NOL4: variants seen among roughly 807,000 people sequenced by gnomAD.
NOL4 encodes the protein nucleolar protein 4, also known as cancer/testis antigen 125.
In NOL4, 17 loss-of-function variants were observed where a neutral mutation model predicts 75.9. The observed-to-expected ratio is 0.22, with a 90% confidence interval of 0.15 to 0.34. The LOEUF (loss-of-function observed/expected upper bound fraction) is 0.34. Ranked by LOEUF, NOL4 falls within the 10% of genes least tolerant of loss-of-function variation. The pLI, the probability that NOL4 is intolerant of heterozygous loss-of-function variation, is 1.00. For missense variants in NOL4, 614 were observed against 793.5 expected (o/e 0.77, Z 2.72); for synonymous variants, 292 against 289.9 (o/e 1.01, Z -0.07).
At chr18:34,006,261 G>T (rs548636642) in intron 6 of NOL4, among the ~76,000 whole-genome samples, 25 of 152,154 alleles carry the variant, frequency 1.6e-4, no homozygotes, top group African/African-American at 6.0e-4. Context: ...AAATGTAATG[G>T]TTAATTTTAT....
At chr18:33,908,362 A>G (rs1261351595) in intron 9 of NOL4, among the ~76,000 whole-genome samples, 5 of 152,192 alleles carry the variant, frequency 3.3e-5, no homozygotes, top group African/African-American at 4.8e-5. Flanking sequence ...ATAATCATAG[A>G]TGGTTTTGAA....
intron 5 of NOL4, among the ~76,000 whole-genome samples, chr18:34,046,634 A>ATATATATG (rs1193500422): frequency 2.2e-5 from 3 of 137,478 alleles, no homozygotes; most frequent in East Asian, 4.1e-4. Context: ...ATATATATAT[A>ATATATATG]TATGTATATG....
chr18:34,076,478 A>T (rs2077750533), intron 5 of NOL4, among the ~76,000 whole-genome samples: 1 of 152,198 alleles, frequency 6.6e-6, no homozygotes, highest in South Asian at 2.1e-4. Context: ...TGGACTGAGC[A>T]AAAGTTACCC....
At chr18:33,985,473 G>A (rs1420266167) in intron 6 of NOL4, among the ~76,000 whole-genome samples, 2 of 152,004 alleles carry the variant, frequency 1.3e-5, no homozygotes, top group Non-Finnish European at 2.9e-5. Context: ...ATTATTTTAT[G>A]TCATCTATTG....
At chr18:34,114,926 T>A (rs1371912033) in intron 2 of NOL4, among the ~76,000 whole-genome samples, 1 of 152,082 alleles carries the variant, frequency 6.6e-6, no homozygotes, top group Non-Finnish European at 1.5e-5. Context: ...ACAGAAAAAT[T>A]CAGTGTTTGT....
At chr18:33,946,765 T>C (rs2068862250) in intron 8 of NOL4, among the ~76,000 whole-genome samples, 1 of 151,732 alleles carries the variant, frequency 6.6e-6, no homozygotes, top group African/African-American at 2.4e-5. Context: ...TGATCTTCAT[T>C]AAAAGCACAA....
At chr18:34,143,864 C>CAAAAAAAAAAAAAAAAAAAAAAAAAA (rs754617814) in intron 1 of NOL4, among the ~76,000 whole-genome samples, 1 of 65,950 alleles carries the variant, frequency 1.5e-5, no homozygotes, top group Non-Finnish European at 3.1e-5. Context: ...AACTCCATCT[C>CAAAAAAAAAAAAAAAAAAAAAAAAAA]AAAAAAAAAA....
At chr18:34,142,144 C>T (rs2081195743) in intron 1 of NOL4, among the ~76,000 whole-genome samples, 1 of 152,112 alleles carries the variant, frequency 6.6e-6, no homozygotes, top group South Asian at 2.1e-4. Flanking sequence ...CCATCTCAGA[C>T]CAGTTAGAAT....
chr18:34,191,329 A>G (rs2034897853), intron 1 of NOL4, among the ~76,000 whole-genome samples: 1 of 152,160 alleles, frequency 6.6e-6, no homozygotes. Flanking sequence ...ATATAACATA[A>G]TATTGTACTA....
intron 1 of NOL4, among the ~76,000 whole-genome samples, chr18:34,186,706 T>C (rs559221312): frequency 7.9e-5 from 12 of 152,220 alleles, no homozygotes; most frequent in Non-Finnish European, 1.5e-4. Flanking sequence ...CCTTATATCA[T>C]GGTTACATCT....
At chr18:34,095,604 C>G (rs1006978636) in intron 4 of NOL4, among the ~76,000 whole-genome samples, 1 of 152,080 alleles carries the variant, frequency 6.6e-6, no homozygotes, top group Non-Finnish European at 1.5e-5. Context: ...GCTGCTCTCA[C>G]AGAGTCACAT....
chr18:34,025,163 A>T (rs1178121402), intron 5 of NOL4, among the ~76,000 whole-genome samples: 5 of 152,198 alleles, frequency 3.3e-5, no homozygotes, highest in African/African-American at 1.2e-4. Context: ...CTTTCCCTTT[A>T]TCAAAACTAA....
chr18:33,944,314 G>T (rs2068696278), intron 8 of NOL4, among the ~76,000 whole-genome samples: 1 of 151,834 alleles, frequency 6.6e-6, no homozygotes, highest in African/African-American at 2.4e-5. Flanking sequence ...GGCATGTAGA[G>T]TGTGTCTCAG....
intron 2 of NOL4, among the ~76,000 whole-genome samples, chr18:34,111,039 AAC>A (rs2079562408): frequency 6.6e-6 from 1 of 152,194 alleles, no homozygotes; most frequent in South Asian, 2.1e-4. Flanking sequence ...ATATACCAAG[AAC>A]ACACAAAGAG....
At chr18:34,114,794 TA>T (rs1183159605) in intron 2 of NOL4, among the ~76,000 whole-genome samples, 3 of 152,062 alleles carry the variant, frequency 2.0e-5, no homozygotes, top group African/African-American at 7.3e-5. Flanking sequence ...AATACTGGTC[TA>T]TTTCTGTAAA....
intron 5 of NOL4, among the ~76,000 whole-genome samples, chr18:34,025,622 A>G (rs1214735480): frequency 6.6e-6 from 1 of 152,160 alleles, no homozygotes; most frequent in Non-Finnish European, 1.5e-5. Context: ...TAATGGATTG[A>G]CAGATTGATT....
intron 9 of NOL4, among the ~76,000 whole-genome samples, chr18:33,888,713 A>G (rs1162054579): frequency 6.6e-6 from 1 of 152,110 alleles, no homozygotes; most frequent in Non-Finnish European, 1.5e-5. Context: ...AGGTTTATCA[A>G]AGATCAGATG....
At chr18:34,150,377 T>G (rs1240046639) in intron 1 of NOL4, among the ~76,000 whole-genome samples, 1 of 151,730 alleles carries the variant, frequency 6.6e-6, no homozygotes, top group Non-Finnish European at 1.5e-5. Context: ...CAGTATGTAT[T>G]GGCAACAGAA....
chr18:34,145,199 GT>G (rs1323690036), intron 1 of NOL4, among the ~76,000 whole-genome samples: 2 of 151,944 alleles, frequency 1.3e-5, no homozygotes, highest in Non-Finnish European at 2.9e-5. Context: ...ATACTGAAAG[GT>G]TTTTATGGAA....
Sources: allele counts gnomAD v4.1 joint callset (sites outside exome capture counted in the v4.1 genomes callset), GRCh38; gene constraint gnomAD v4.1.1; transcripts MANE v1.5; gene names NCBI Gene and HGNC (gene_info 2026-07-23, HGNC 2026-07-21).